Variants in LIPG observed in about 807,000 individuals in gnomAD.
LIPG encodes endothelial lipase.
Under a neutral mutation model 51.8 loss-of-function variants are expected in LIPG, and 34 were observed. The ratio of observed to expected loss-of-function variants is 0.66; its 90% confidence interval spans 0.50 to 0.87. The LOEUF (loss-of-function observed/expected upper bound fraction) is 0.87, where lower values mean the gene tolerates loss of function less well. LIPG is among the 40% of genes least tolerant of loss of function. The probability of loss-of-function intolerance (pLI) is 0.00; values close to 1 mark genes in which losing one functional copy is unlikely to be tolerated. For synonymous variants in LIPG, 246 were observed against 246.1 expected (o/e 1.00, Z 0.00); for missense variants, 580 against 652.7 (o/e 0.89, Z 1.21).
rs2084708992 is a variant in LIPG, at chr18:49,575,731, T to C, written c.793+141T>C. 5 of 757,496 alleles carry C rather than the reference T, an allele frequency of 6.6e-6. No homozygotes were observed. The East Asian group carries it at 1.3e-4, about 20-fold the overall frequency. The allele number at this position is 757,496 out of a possible 1,614,324, so 46.9% of individuals were successfully genotyped here. On this transcript the variant is annotated intron_variant, in intron 5 of 9. Coordinates refer to ENST00000261292, the MANE Select transcript of LIPG (RefSeq NM_006033.4). ...CAGAGGCCTCCAATGCTGTATTTAA[T>C]ATTTCTCATTGTTCCCCAAGACTAA...
intron 4 of LIPG, among the ~76,000 whole-genome samples, 197 bp from the exon 5 acceptor site, chr18:49,575,172 T>G (rs1568529954): frequency 6.6e-6 from 1 of 152,232 alleles, no homozygotes; most frequent in Non-Finnish European, 1.5e-5. Context: ...AGGATTTAAT[T>G]TCTGCAATGA....
intron 5 of LIPG, among the ~76,000 whole-genome samples, chr18:49,579,007 A>AT (rs1232155008): frequency 3.3e-3 from 2 of 598 alleles, no homozygotes; most frequent in African/African-American, 4.2e-3. Flanking sequence ...CCGTGGGGAG[A>AT]GGGAGAGGGA....
At chr18:49,561,852 C>T (rs1034156552), upstream of LIPG, 70 of 1,261,824 alleles carry the variant, frequency 5.5e-5, no homozygotes, top group Non-Finnish European at 6.8e-5. Context: ...GCGGAGCGGG[C>T]CCGGGAGGAA....
At chr18:49,586,642 A>G (rs548657810) in intron 8 of LIPG, 104 bp from the exon 9 acceptor site, 44 of 819,354 alleles carry the variant, frequency 5.4e-5, no homozygotes, top group Non-Finnish European at 8.1e-5. Flanking sequence ...GCATGGCATG[A>G]AAATTTCACC....
In LIPG at chr18:49,598,713, T is replaced by C. The variant is rs575819535; in HGVS notation, c.*8191T>C. On this transcript the variant is annotated 3_prime_UTR_variant, in exon 10 of 10. Coordinates refer to ENST00000261292, the MANE Select transcript of LIPG (RefSeq NM_006033.4). ...AACTGAAAGCATTACCACATCGAGA[T>C]TGTGAACATACCACCACCAGAAGTT... 1.1e-4 allele frequency: 17 copies of C among 152,374 alleles called. No homozygotes were observed. Among genetic ancestry groups the C allele is most frequent in the African/African-American group, 3.8e-4 (16 of 41,584 alleles). 9.4% of individuals were successfully genotyped at this position (152,374 alleles called of 1,614,324 possible). A position where few individuals can be genotyped will look rare whatever the true frequency, so the allele number is the denominator to read the frequency against.
chr18:49,567,513 T>C lies in LIPG; in HGVS notation c.351T>C (p.Asn117=), dbSNP rs764338806. ...SALHTREKDA[N]VVVVDWLPLA... ...TGCACACAAGAGAGAAAGACGCCAATGTAGTTGTGGTTGACTGGCTCCCCC... is the reference window on the plus strand; with the variant it reads ...TGCACACAAGAGAGAAAGACGCCAACGTAGTTGTGGTTGACTGGCTCCCCC... Residue 117 remains asparagine, a synonymous_variant, in exon 3 of 10, where the codon AAT becomes AAC. Coordinates refer to ENST00000261292, the MANE Select transcript of LIPG (RefSeq NM_006033.4). The C allele has an allele frequency of 6.2e-6, 10 of 1,613,948 alleles. No individual in the cohort carries two copies. Among genetic ancestry groups the C allele is most frequent in the Non-Finnish European group, 3.4e-6 (4 of 1,180,000 alleles).
intron 7 of LIPG, 138 bp downstream of exon 7, chr18:49,582,620 C>T (rs1271915469): frequency 8.8e-7 from 1 of 1,132,630 alleles, no homozygotes; most frequent in East Asian, 2.4e-5. Flanking sequence ...GCCAGGTGGT[C>T]TAGCTGGCCT....
intron 4 of LIPG, among the ~76,000 whole-genome samples, chr18:49,573,768 T>C (rs1042071157): frequency 6.6e-6 from 1 of 152,190 alleles, no homozygotes; most frequent in Non-Finnish European, 1.5e-5. Flanking sequence ...TCTAATGTGC[T>C]GTGGTCTGGT....
intron 8 of LIPG, among the ~76,000 whole-genome samples, chr18:49,584,920 TAA>T (rs993145563): frequency 1.3e-5 from 2 of 152,252 alleles, no homozygotes; most frequent in Non-Finnish European, 2.9e-5. Context: ...ATCAGATTTT[TAA>T]AAAGTAAAAC....
At chr18:49,561,678 T>G, upstream of LIPG, 2 of 1,242,608 alleles carry the variant, frequency 1.6e-6, no homozygotes, top group Non-Finnish European at 2.0e-6. Flanking sequence ...CTTTGAGCCT[T>G]GGAGAGGATG....
chr18:49,562,269 T>C lies in LIPG; in HGVS notation c.-40T>C. 6.2e-7 allele frequency: 1 copy of C among 1,612,482 alleles called. No homozygotes were observed. The highest frequency in any genetic ancestry group is 8.5e-7 in the Non-Finnish European group (1 of 1,179,992). ...ACACCAAGAGGTGGTTTTTGTTTTT[T>C]AAAACTTCTGTTTCTTGGGAGGGGG... On this transcript the variant is annotated 5_prime_UTR_variant, in exon 1 of 10. Transcript: ENST00000261292.
chr18:49,586,800 G>A lies in LIPG; in HGVS notation c.1431G>A (p.Glu477=), dbSNP rs1210670187. Residue 477 remains glutamate (E), a synonymous_variant, in exon 9 of 10, where the codon GAG becomes GAA. Transcript: ENST00000261292. ...ACACCAGCATATCCCCAGGCCGGGA[G>A]CTCTGGTTTCGCAAGTGTCGGGATG... ...PENTSISPGR[E]LWFRKCRDGW... The A allele has an allele frequency of 1.2e-6, 2 of 1,614,058 alleles. No homozygotes were observed. Among genetic ancestry groups the A allele is most frequent in the African/African-American group, 1.3e-5 (1 of 74,922 alleles).
In LIPG at chr18:49,582,442, T is replaced by C. The variant is rs1169169264; in HGVS notation, c.1117T>C (p.Tyr373His). 1 of 1,614,242 alleles carries C rather than the reference T, an allele frequency of 6.2e-7. No individual in the cohort carries two copies. The highest frequency in any genetic ancestry group is 1.6e-4 in the Middle Eastern group (1 of 6,062). ...EIEPTFYVTL[Y>H]GTNADSQTLP... ...TGAGCCCACCTTTTACGTCACCCTT[T>C]ATGGCACTAATGCAGATTCCCAGAC... Residue 373 changes from tyrosine (Y) to histidine (H), a missense_variant, in exon 7 of 10, where the codon TAT becomes CAT. Physicochemically the swap from Tyr to His is moderately conservative, Grantham distance 83. Coordinates refer to ENST00000261292, the MANE Select transcript of LIPG (RefSeq NM_006033.4).
At chr18:49,562,969 C>A (rs1006322712) in intron 1 of LIPG, among the ~76,000 whole-genome samples, 2 of 152,168 alleles carry the variant, frequency 1.3e-5, no homozygotes, top group African/African-American at 4.8e-5. Flanking sequence ...TCTTGTGCTC[C>A]CCCGACTCTT....
chr18:49,577,093 T>C (rs1489755262), intron 5 of LIPG, among the ~76,000 whole-genome samples: 2 of 147,686 alleles, frequency 1.4e-5, no homozygotes, highest in African/African-American at 5.0e-5. Flanking sequence ...CATGGGACAA[T>C]AGTGGAGGGA....
chr18:49,564,941 C>T (rs2084586850), intron 1 of LIPG, among the ~76,000 whole-genome samples: 1 of 152,150 alleles, frequency 6.6e-6, no homozygotes, highest in African/African-American at 2.4e-5. Context: ...AATCTGAAAA[C>T]TTCTAAATTC....
chr18:49,578,113 G>T, intron 5 of LIPG, among the ~76,000 whole-genome samples: 1 of 62,660 alleles, frequency 1.6e-5, no homozygotes, highest in African/African-American at 1.2e-4. Context: ...CTGGCCGGGC[G>T]GGGGGCTGAC....
rs2084957248 is a variant in LIPG at position 49,592,635 on chromosome 18, A to T, written c.*2113A>T. 1 of 153,370 alleles carries T rather than the reference A, an allele frequency of 6.5e-6. No homozygotes were observed. The highest frequency in any genetic ancestry group is 1.5e-5 in the Non-Finnish European group (1 of 68,862). The allele number at this position is 153,370 out of a possible 1,614,324, so 9.5% of individuals were successfully genotyped here. A position where few individuals can be genotyped will look rare whatever the true frequency, so the allele number is the denominator to read the frequency against. ...TTTGGATTAGGGTTGCTCAACCCAT[A>T]TTATTGGCTGTACATCCTGGTCACT... On this transcript the variant is annotated 3_prime_UTR_variant, in exon 10 of 10. Coordinates refer to ENST00000261292, the MANE Select transcript of LIPG (RefSeq NM_006033.4).
At chr18:49,586,152 A>T (rs1050207006) in intron 8 of LIPG, among the ~76,000 whole-genome samples, 4 of 152,140 alleles carry the variant, frequency 2.6e-5, no homozygotes, top group African/African-American at 9.7e-5. Flanking sequence ...TTGGCTGTCC[A>T]TTTGCTGAAT....
Sources: gnomAD v4.1 joint callset for allele counts (sites outside exome capture counted in the v4.1 genomes callset) on GRCh38, gnomAD v4.1.1 for gene constraint, MANE v1.5 for transcripts, NCBI Gene and HGNC (gene_info 2026-07-23, HGNC 2026-07-21) for gene names.